The following GRXCR2 variants were observed in gnomAD, a reference collection of about 807,000 sequenced individuals.
The protein encoded by GRXCR2 is glutaredoxin domain-containing cysteine-rich protein 2.
GRXCR2 carries 23 observed loss-of-function variants against 24.8 expected under a neutral mutation model. That is an observed-to-expected ratio of 0.93 (90% confidence interval 0.67 to 1.32). GRXCR2 has a LOEUF of 1.32. Ranked by LOEUF, GRXCR2 falls within the 40% of genes most tolerant of loss-of-function variation. The probability of loss-of-function intolerance (pLI) is 0.00; values close to 1 mark genes in which losing one functional copy is unlikely to be tolerated. For missense variants in GRXCR2, 315 were observed against 303.4 expected (o/e 1.04, Z -0.28); for synonymous variants, 130 against 116.1 (o/e 1.12, Z -0.77).
chr5:145,875,269 G>T (rs756244048), upstream of GRXCR2, among the ~76,000 whole-genome samples: 3 of 152,218 alleles, frequency 2.0e-5, no homozygotes, highest in Non-Finnish European at 2.9e-5. Flanking sequence ...TGAAGAGGTG[G>T]CTGGGCGCGG....
At chr5:145,911,121 G>A (rs1320669570) in intron 2 of GRXCR2, among the ~76,000 whole-genome samples, 1 of 152,046 alleles carries the variant, frequency 6.6e-6, no homozygotes. Context: ...AAGGTGTACA[G>A]CGTGATGATT....
At chr5:145,894,743 A>G (rs1756923394) in intron 2 of GRXCR2, among the ~76,000 whole-genome samples, 1 of 152,194 alleles carries the variant, frequency 6.6e-6, no homozygotes, top group South Asian at 2.1e-4. Flanking sequence ...AAACTATTCC[A>G]ATCAATAGAA....
intron 2 of GRXCR2, among the ~76,000 whole-genome samples, chr5:145,912,871 C>CG (rs1757185860): frequency 6.6e-6 from 1 of 151,962 alleles, no homozygotes; most frequent in African/African-American, 2.4e-5. Context: ...CCAGCTCATG[C>CG]GGGCCTGGTA....
chr5:145,884,871 G>T (rs183296854), intron 2 of GRXCR2, among the ~76,000 whole-genome samples: 115 of 152,204 alleles, frequency 7.6e-4, no homozygotes, highest in African/African-American at 2.7e-3. Flanking sequence ...TATCCTATCT[G>T]TCTGATGTCA....
chr5:145,876,189 G>GTATATATATATA (rs1295310846), upstream of GRXCR2, among the ~76,000 whole-genome samples: 1 of 68,446 alleles, frequency 1.5e-5, no homozygotes, highest in Non-Finnish European at 2.5e-5. Flanking sequence ...ATGTGTGTGT[G>GTATATATATATA]TGTATATATA....
chr5:145,927,881 C>T (rs1757422895), intron 2 of GRXCR2, among the ~76,000 whole-genome samples: 1 of 152,084 alleles, frequency 6.6e-6, no homozygotes, highest in Non-Finnish European at 1.5e-5. Flanking sequence ...GCAATGGCAA[C>T]AAAAGCCAAA....
chr5:145,881,384 T>C (rs1321693910), intron 2 of GRXCR2, among the ~76,000 whole-genome samples: 5 of 151,912 alleles, frequency 3.3e-5, no homozygotes, highest in Non-Finnish European at 5.9e-5. Flanking sequence ...TATACACCAA[T>C]AACAGACAGA....
chr5:145,870,673 T>C (rs774580002), intron 1 of GRXCR2, among the ~76,000 whole-genome samples: 5 of 152,218 alleles, frequency 3.3e-5, no homozygotes, highest in Non-Finnish European at 7.3e-5. Context: ...TGAAAAGTCA[T>C]GACATTAGCT....
chr5:145,910,837 AGT>A (rs59096502), intron 2 of GRXCR2, among the ~76,000 whole-genome samples: 220 of 150,168 alleles, frequency 1.5e-3, no homozygotes, highest in East Asian at 0.01. Flanking sequence ...AACTATGTGA[AGT>A]GTGTGTGTGT....
intron 2 of GRXCR2, among the ~76,000 whole-genome samples, chr5:145,923,366 T>C (rs1345937875): frequency 6.6e-6 from 1 of 152,218 alleles, no homozygotes; most frequent in Non-Finnish European, 1.5e-5. Flanking sequence ...AGCTAACAGA[T>C]GACTGTATGC....
chr5:145,903,529 CA>C (rs33972911), intron 2 of GRXCR2, among the ~76,000 whole-genome samples: 72,165 of 147,222 alleles, frequency 0.49, 17,377 homozygotes, highest in East Asian at 0.65. Flanking sequence ...GATTCAGAGT[CA>C]AAAAAAAAAA....
intron 1 of GRXCR2, among the ~76,000 whole-genome samples, chr5:145,868,189 G>A (rs909764011): frequency 6.6e-6 from 1 of 152,064 alleles, no homozygotes; most frequent in Non-Finnish European, 1.5e-5. Context: ...TGTGAGAACT[G>A]TTGCCATTGT....
At position 145,910,993 on chromosome 5, in the gene GRXCR2, AT is replaced by A. The variant is rs113252498; in HGVS notation, c.-70+24707del. ...TGTTATGAGGCAGGGCTTCTTTTGTATTTTTTTTTTTGGAAGCAAATTTAAA... is the reference window on the plus strand; with the variant it reads ...TGTTATGAGGCAGGGCTTCTTTTGTATTTTTTTTTTGGAAGCAAATTTAAA... On this transcript the variant is annotated intron_variant, in intron 2 of 3. Transcript: ENST00000639411. Among the ~76,000 whole-genome samples, 843 of 144,280 alleles carry A rather than the reference AT, an allele frequency of 5.8e-3. 6 individuals carry two copies. The highest frequency in any genetic ancestry group is 8.3e-3 in the Non-Finnish European group (539 of 65,010). 94.7% of individuals were successfully genotyped at this position (144,280 alleles called of 152,430 possible). A position where few individuals can be genotyped will look rare whatever the true frequency, so the allele number is the denominator to read the frequency against.
chr5:145,909,334 G>A (rs1232907951), intron 2 of GRXCR2, among the ~76,000 whole-genome samples: 1 of 81,012 alleles, frequency 1.2e-5, no homozygotes, highest in Non-Finnish European at 2.2e-5. Flanking sequence ...GAATGTAGAA[G>A]TGGTAATTAT....
chr5:145,887,674 G>A (rs1756797155), intron 2 of GRXCR2, among the ~76,000 whole-genome samples: 1 of 152,154 alleles, frequency 6.6e-6, no homozygotes, highest in South Asian at 2.1e-4. Context: ...TTTTATTAGT[G>A]GGAGTGGGGA....
chr5:145,919,579 T>C (rs1271849745), intron 2 of GRXCR2, among the ~76,000 whole-genome samples: 1 of 152,114 alleles, frequency 6.6e-6, no homozygotes, highest in Non-Finnish European at 1.5e-5. Flanking sequence ...GGAGAAACAA[T>C]GACAAAGAAG....
chr5:145,899,827 C>T (rs2149922144), intron 2 of GRXCR2, among the ~76,000 whole-genome samples: 1 of 152,156 alleles, frequency 6.6e-6, no homozygotes, highest in Admixed American at 6.5e-5. Flanking sequence ...TAGGAAACAC[C>T]ATTCTGGACA....
At chr5:145,923,417 A>G (rs1321734730) in intron 2 of GRXCR2, among the ~76,000 whole-genome samples, 4 of 152,204 alleles carry the variant, frequency 2.6e-5, no homozygotes, top group African/African-American at 9.7e-5. Context: ...TCTCGAAATG[A>G]AAATCAAGCG....
At chr5:145,876,201 A>G (rs866741316), upstream of GRXCR2, among the ~76,000 whole-genome samples, 2,761 of 140,184 alleles carry the variant, frequency 0.02, 92 homozygotes, top group African/African-American at 0.068. Context: ...GTATATATAT[A>G]TATATATATA....
Sources: allele counts gnomAD v4.1 joint callset (sites outside exome capture counted in the v4.1 genomes callset), GRCh38; gene constraint gnomAD v4.1.1; transcripts MANE v1.5; gene names NCBI Gene and HGNC (gene_info 2026-07-23, HGNC 2026-07-21).